SLC16A7: variants seen among roughly 807,000 people sequenced by gnomAD.
SLC16A7 encodes the protein monocarboxylate transporter 2.
SLC16A7 carries 33 observed loss-of-function variants against 34.9 expected under a neutral mutation model. The ratio of observed to expected loss-of-function variants is 0.94; its 90% CI spans 0.72 to 1.26. The LOEUF (loss-of-function observed/expected upper bound fraction) is 1.26, where lower values mean the gene tolerates loss of function less well. Among genes scored for constraint, SLC16A7 ranks in the 50% most tolerant of loss-of-function variants. The pLI is 0.00. For missense variants in SLC16A7, 573 were observed against 578.1 expected (o/e 0.99, Z 0.09); for synonymous variants, 201 against 206.6 (o/e 0.97, Z 0.23).
intron 2 of SLC16A7, among the ~76,000 whole-genome samples, chr12:59,699,043 A>G: frequency 6.6e-6 from 1 of 151,188 alleles, no homozygotes; most frequent in Non-Finnish European, 1.5e-5. Flanking sequence ...GTATGTTTAC[A>G]TAGTTTACTC....
intron 3 of SLC16A7, among the ~76,000 whole-genome samples, chr12:59,714,030 C>T (rs564736758): frequency 2.0e-5 from 3 of 152,260 alleles, no homozygotes; most frequent in East Asian, 3.9e-4. Context: ...AAATGGAAAT[C>T]GATCTCATAA....
intron 1 of SLC16A7, among the ~76,000 whole-genome samples, chr12:59,635,107 G>A (rs968783162): frequency 1.3e-5 from 2 of 151,970 alleles, no homozygotes; most frequent in African/African-American, 4.8e-5. Flanking sequence ...TTGTCATGCA[G>A]CCATTAGCTT....
chr12:59,705,944 A>G (rs1873518257), intron 3 of SLC16A7, among the ~76,000 whole-genome samples: 2 of 152,296 alleles, frequency 1.3e-5, no homozygotes, highest in South Asian at 2.1e-4. Context: ...AATATCCAGT[A>G]TTTAGTAATA....
At chr12:59,743,398 G>A (rs1467361283) in intron 3 of SLC16A7, among the ~76,000 whole-genome samples, 1 of 152,134 alleles carries the variant, frequency 6.6e-6, no homozygotes, top group Non-Finnish European at 1.5e-5. Flanking sequence ...CTAAATTAGA[G>A]AAAAGGATAC....
intron 2 of SLC16A7, among the ~76,000 whole-genome samples, chr12:59,664,263 CT>C (rs1869017418): frequency 6.6e-6 from 1 of 152,092 alleles, no homozygotes; most frequent in South Asian, 2.1e-4. Flanking sequence ...AATTACACCA[CT>C]GCATTTTTCC....
intron 2 of SLC16A7, among the ~76,000 whole-genome samples, chr12:59,702,885 A>G (rs1873059948): frequency 1.3e-5 from 2 of 152,014 alleles, no homozygotes; most frequent in Non-Finnish European, 2.9e-5. Context: ...AGCAGTGATT[A>G]GTGAAATCCA....
intron 3 of SLC16A7, among the ~76,000 whole-genome samples, chr12:59,720,944 C>T (rs1565672191): frequency 6.6e-6 from 1 of 151,914 alleles, no homozygotes; most frequent in Non-Finnish European, 1.5e-5. Context: ...ATCTACCTAC[C>T]ATTAATTTTT....
intron 3 of SLC16A7, among the ~76,000 whole-genome samples, chr12:59,732,634 G>A (rs886343029): frequency 6.6e-6 from 1 of 152,106 alleles, no homozygotes; most frequent in Middle Eastern, 3.2e-3. Flanking sequence ...CTTTCTTCCT[G>A]TATTACTTAA....
In SLC16A7 at chr12:59,615,675, T is replaced by C. The variant is rs530456999; in HGVS notation, c.-130+19439T>C. ...CATTCTTCCCTTTGGTGACTGTTCA[T>C]ACTCTTGGAGTATTTGGATATTGTT... On this transcript the variant is annotated intron_variant, in intron 1 of 5. Transcript: ENST00000547379. 2.0e-5 allele frequency among the ~76,000 whole-genome samples: 3 copies of C among 152,350 alleles called. No individual in the cohort carries two copies. In the East Asian group the frequency reaches 5.8e-4, roughly 29 times the overall value.
intron 2 of SLC16A7, among the ~76,000 whole-genome samples, chr12:59,675,919 A>G (rs1018686834): frequency 1.3e-5 from 2 of 150,368 alleles, no homozygotes; most frequent in African/African-American, 4.9e-5. Flanking sequence ...TTCCCCAGAT[A>G]TATATATATA....
intron 3 of SLC16A7, among the ~76,000 whole-genome samples, chr12:59,712,570 G>A (rs12227270): frequency 0.27 from 40,920 of 152,122 alleles, 5,754 homozygotes; most frequent in East Asian, 0.36. Context: ...CCCAGTCTCC[G>A]TCAACCCGGT....
In SLC16A7 at chr12:59,786,327, C is replaced by T. The variant is rs1020440164; in HGVS notation, c.*6648C>T. ...ATGAAATTTTAAAACATTCTTTTGA[C>T]TAAGACTTTAATTCTTATATGCATC... On this transcript the variant is annotated 3_prime_UTR_variant, in exon 6 of 6. Transcript: ENST00000547379. The T allele has an allele frequency of 8.6e-5, 13 of 151,660 alleles. No homozygotes were observed. The highest frequency in any genetic ancestry group is 7.9e-4 in the Admixed American group (12 of 15,242). 9.4% of individuals were successfully genotyped at this position (151,660 alleles called of 1,614,324 possible).
At chr12:59,733,452 G>C (rs535787062) in intron 3 of SLC16A7, among the ~76,000 whole-genome samples, 3 of 152,266 alleles carry the variant, frequency 2.0e-5, no homozygotes, top group African/African-American at 7.2e-5. Flanking sequence ...AAAGGCACAG[G>C]CTTTGTGTGA....
chr12:59,711,209 C>T (rs550292245), intron 3 of SLC16A7, among the ~76,000 whole-genome samples: 4 of 152,256 alleles, frequency 2.6e-5, no homozygotes, highest in African/African-American at 9.6e-5. Flanking sequence ...CGAGCAGTTC[C>T]GTAATGGAAG....
chr12:59,755,856 A>G (rs1880261318), intron 3 of SLC16A7, among the ~76,000 whole-genome samples: 2 of 152,206 alleles, frequency 1.3e-5, no homozygotes, highest in South Asian at 2.1e-4. Context: ...ACTTCAAACT[A>G]TACTACAAGG....
intron 1 of SLC16A7, among the ~76,000 whole-genome samples, chr12:59,633,998 T>C (rs1257482143): frequency 6.6e-6 from 1 of 152,110 alleles, no homozygotes; most frequent in East Asian, 1.9e-4. Context: ...ATATTGTATT[T>C]GCATTTAATG....
intron 1 of SLC16A7, among the ~76,000 whole-genome samples, chr12:59,603,456 T>C (rs763586925): frequency 4.6e-5 from 7 of 152,198 alleles, no homozygotes; most frequent in Non-Finnish European, 8.8e-5. Flanking sequence ...TCTTTGGCCA[T>C]GCTGTTCTTT....
intron 2 of SLC16A7, among the ~76,000 whole-genome samples, chr12:59,679,138 G>C (rs1239528192): frequency 6.6e-6 from 1 of 152,166 alleles, no homozygotes; most frequent in Non-Finnish European, 1.5e-5. Context: ...CCACAGTGTG[G>C]CTTGGGTGGT....
At chr12:59,771,530 G>A (rs1485113651) in intron 4 of SLC16A7, among the ~76,000 whole-genome samples, 168 bp downstream of exon 4, 1 of 151,348 alleles carries the variant, frequency 6.6e-6, no homozygotes, top group Non-Finnish European at 1.5e-5. Flanking sequence ...CTATATAATG[G>A]GCAAACATTT....
Sources: gnomAD v4.1 joint callset for allele counts (sites outside exome capture counted in the v4.1 genomes callset) on GRCh38, gnomAD v4.1.1 for gene constraint, MANE v1.5 for transcripts, NCBI Gene and HGNC (gene_info 2026-07-23, HGNC 2026-07-21) for gene names.